Variants in MAGI2 observed in about 807,000 individuals in gnomAD.
The protein encoded by MAGI2 is membrane associated guanylate kinase, WW and PDZ domain containing 2.
MAGI2 carries 35 observed loss-of-function variants against 133.3 expected under a neutral mutation model. The observed-to-expected ratio is 0.26, with a 90% CI of 0.20 to 0.35. MAGI2 has a LOEUF of 0.35. Among genes scored for constraint, MAGI2 ranks in the 10% least tolerant of loss-of-function variants. MAGI2 has a pLI of 1.00. For synonymous variants in MAGI2, 729 were observed against 710.6 expected, an observed-to-expected ratio of 1.03 and a Z score of -0.41; for missense variants, 1,636 against 1,863.4, an observed-to-expected ratio of 0.88 and a Z score of 2.25.
At chr7:78,897,030 G>A (rs781071844) in intron 2 of MAGI2, among the ~76,000 whole-genome samples, 15 of 152,204 alleles carry the variant, frequency 9.9e-5, no homozygotes, top group Middle Eastern at 3.4e-3. Flanking sequence ...ATAAATGGCC[G>A]TTGAGTTTCC....
At chr7:79,127,592 G>A (rs1030593524) in intron 1 of MAGI2, among the ~76,000 whole-genome samples, 10 of 152,166 alleles carry the variant, frequency 6.6e-5, no homozygotes, top group Non-Finnish European at 1.3e-4. Context: ...CTGCATAAAT[G>A]TCTTCTTTTG....
chr7:78,657,737 G>A (rs926876369), intron 2 of MAGI2, among the ~76,000 whole-genome samples: 2 of 152,180 alleles, frequency 1.3e-5, no homozygotes, highest in Admixed American at 6.5e-5. Flanking sequence ...TGGTGAATAC[G>A]TGGTTACTAT....
chr7:78,584,375 G>A (rs34075575), intron 3 of MAGI2, among the ~76,000 whole-genome samples: 13,369 of 129,458 alleles, frequency 0.1, 870 homozygotes, highest in Middle Eastern at 0.19. Context: ...AGCCAAGATC[G>A]TACCACTGCA....
intron 3 of MAGI2, among the ~76,000 whole-genome samples, chr7:78,547,662 C>G (rs1798970271): frequency 6.6e-6 from 1 of 152,354 alleles, no homozygotes; most frequent in African/African-American, 2.4e-5. Context: ...CGCGCACACA[C>G]ACACTCACTC....
intron 9 of MAGI2, among the ~76,000 whole-genome samples, chr7:78,316,075 G>A (rs1163825123): frequency 2.6e-5 from 4 of 152,170 alleles, no homozygotes; most frequent in Admixed American, 1.3e-4. Flanking sequence ...TTAGCTGTCC[G>A]TCTGTGAGTG....
intron 3 of MAGI2, among the ~76,000 whole-genome samples, chr7:78,560,515 T>A (rs1028683625): frequency 6.6e-6 from 1 of 152,248 alleles, no homozygotes; most frequent in Non-Finnish European, 1.5e-5. Flanking sequence ...AGATAATTTA[T>A]GATGTAAACG....
At chr7:79,164,946 G>C (rs1824772273) in intron 1 of MAGI2, among the ~76,000 whole-genome samples, 1 of 152,002 alleles carries the variant, frequency 6.6e-6, no homozygotes, top group Non-Finnish European at 1.5e-5. Context: ...AAATTAGTAA[G>C]CCAAACACCC....
intron 1 of MAGI2, among the ~76,000 whole-genome samples, chr7:79,174,349 C>T (rs545270988): frequency 2.8e-4 from 42 of 151,844 alleles, no homozygotes; most frequent in African/African-American, 8.4e-4. Context: ...TATATAAGAT[C>T]GCTAGGAAAA....
At chr7:78,179,013 C>T (rs796710939) in intron 13 of MAGI2, among the ~76,000 whole-genome samples, 7 of 152,312 alleles carry the variant, frequency 4.6e-5, no homozygotes, top group African/African-American at 1.7e-4. Flanking sequence ...TTATGCTTAG[C>T]CTGTCCCCTT....
intron 2 of MAGI2, among the ~76,000 whole-genome samples, chr7:78,962,004 A>G (rs1269353701): frequency 1.3e-5 from 2 of 152,068 alleles, no homozygotes; most frequent in Non-Finnish European, 2.9e-5. Context: ...CACAATGTTA[A>G]GTATTTGTGT....
At chr7:79,307,228 A>G (rs953117358) in intron 1 of MAGI2, among the ~76,000 whole-genome samples, 1 of 152,200 alleles carries the variant, frequency 6.6e-6, no homozygotes, top group Non-Finnish European at 1.5e-5. Context: ...TGAATGCTTT[A>G]TTAGCCATTG....
intron 2 of MAGI2, among the ~76,000 whole-genome samples, chr7:78,752,357 C>T (rs1823531426): frequency 6.6e-6 from 1 of 152,158 alleles, no homozygotes; most frequent in Non-Finnish European, 1.5e-5. Flanking sequence ...AATCCCAGCA[C>T]TTTGGGAGGC....
At chr7:78,097,959 T>G (rs1454495672) in intron 20 of MAGI2, among the ~76,000 whole-genome samples, 1 of 152,144 alleles carries the variant, frequency 6.6e-6, no homozygotes, top group Non-Finnish European at 1.5e-5. Context: ...TAAGAACCCT[T>G]CTCAGATTCA....
At chr7:79,123,377 G>A (rs1035044066) in intron 1 of MAGI2, among the ~76,000 whole-genome samples, 18 of 152,048 alleles carry the variant, frequency 1.2e-4, no homozygotes, top group African/African-American at 4.1e-4. Context: ...TTTTGGCTCC[G>A]TCATTTACCA....
intron 12 of MAGI2, among the ~76,000 whole-genome samples, chr7:78,189,270 A>T (rs1827988741): frequency 6.6e-6 from 1 of 152,198 alleles, no homozygotes; most frequent in African/African-American, 2.4e-5. Context: ...TCCGTTTTTG[A>T]TCTGCCACAA....
chr7:78,738,708 T>A (rs1038588226), intron 2 of MAGI2, among the ~76,000 whole-genome samples: 3 of 152,176 alleles, frequency 2.0e-5, no homozygotes, highest in African/African-American at 7.2e-5. Flanking sequence ...AACTTCAATA[T>A]TGAGAATAAA....
intron 1 of MAGI2, among the ~76,000 whole-genome samples, chr7:79,230,083 A>G (rs1487957767): frequency 6.6e-6 from 1 of 150,462 alleles, no homozygotes; most frequent in Non-Finnish European, 1.5e-5. Flanking sequence ...GAGAATGATG[A>G]TTTCCAATTT....
intron 6 of MAGI2, among the ~76,000 whole-genome samples, chr7:78,461,543 T>C (rs1790019912): frequency 6.6e-6 from 1 of 152,066 alleles, no homozygotes. Context: ...GTTGCTAGTA[T>C]AGCCTAAAAC....
At chr7:79,076,406 T>G (rs532191027) in intron 1 of MAGI2, among the ~76,000 whole-genome samples, 19 of 152,332 alleles carry the variant, frequency 1.2e-4, no homozygotes, top group African/African-American at 4.6e-4. Flanking sequence ...AAACTACATT[T>G]CCATCAATTG....
Sources: allele counts gnomAD v4.1 joint callset (sites outside exome capture counted in the v4.1 genomes callset), GRCh38; gene constraint gnomAD v4.1.1; transcripts MANE v1.5; gene names NCBI Gene and HGNC (gene_info 2026-07-23, HGNC 2026-07-21).